NFYA: variants seen among roughly 807,000 people sequenced by gnomAD.
NFYA encodes nuclear transcription factor Y subunit alpha.
NFYA carries 28 observed loss-of-function variants against 52.8 expected under a neutral mutation model. The ratio of observed to expected loss-of-function variants is 0.53; its 90% confidence interval spans 0.39 to 0.73. The LOEUF is 0.73. Ranked by LOEUF, NFYA falls within the 30% of genes least tolerant of loss-of-function variation. The pLI is 0.00. For missense variants in NFYA, 234 were observed against 427.0 expected (o/e 0.55, Z 3.98); for synonymous variants, 150 against 150.7 (o/e 1.00, Z 0.03).
intron 4 of NFYA, among the ~76,000 whole-genome samples, chr6:41,086,711 T>C (rs1235480080): frequency 6.6e-6 from 1 of 152,166 alleles, no homozygotes; most frequent in East Asian, 1.9e-4. Context: ...AGAAAGATAC[T>C]GGAACCAGAG....
At chr6:41,075,656 C>T (rs1347582861) in intron 1 of NFYA, 1 of 151,788 alleles carries the variant, frequency 6.6e-6, no homozygotes, top group Non-Finnish European at 1.5e-5. Context: ...CATCACATAG[C>T]TAAATCTTTC....
rs967459597 is a variant in NFYA at position 41,092,364 on chromosome 6, G to A, written c.715-548G>A. Among the ~76,000 whole-genome samples, 4 of 152,094 alleles carry A rather than the reference G, an allele frequency of 2.6e-5. No homozygotes were observed. The South Asian group carries it at 6.2e-4, about 24-fold the overall frequency. On this transcript the variant is annotated intron_variant, in intron 7 of 9. Coordinates refer to ENST00000341376, the MANE Select transcript of NFYA (RefSeq NM_002505.5). ...CAATGTAGAGAGACCTCGTTTCTAC[G>A]AATTGAATGAAAAATAAATAATTTT... is the stretch of plus-strand genomic sequence containing the variant.
intron 1 of NFYA, among the ~76,000 whole-genome samples, chr6:41,073,810 C>A (rs571770933): frequency 6.6e-6 from 1 of 152,180 alleles, no homozygotes; most frequent in African/African-American, 2.4e-5. Flanking sequence ...CCGCTCCGCC[C>A]GGGTCTCCGG....
chr6:41,095,913 T>G (rs1168991820), intron 9 of NFYA, among the ~76,000 whole-genome samples: 2 of 152,226 alleles, frequency 1.3e-5, no homozygotes, highest in African/African-American at 4.8e-5. Context: ...GGGTTTAGTA[T>G]CCAGTTCTGA....
intron 3 of NFYA, among the ~76,000 whole-genome samples, chr6:41,082,170 T>TCCTTTCAATCCCACCCCTACCCCTGCCA (rs1763929134): frequency 6.6e-6 from 1 of 152,196 alleles, no homozygotes; most frequent in Non-Finnish European, 1.5e-5. Context: ...CATCACTTTA[T>TCCTTTCAATCCCACCCCTACCCCTGCCA]CCTTTCAATC....
intron 4 of NFYA, among the ~76,000 whole-genome samples, chr6:41,088,185 G>A (rs1199402346): frequency 6.6e-5 from 10 of 152,128 alleles, no homozygotes; most frequent in East Asian, 1.9e-4. Flanking sequence ...TTGGGTGGCC[G>A]AGGCGGGTGG....
chr6:41,074,823 C>T (rs1763689531), intron 1 of NFYA, among the ~76,000 whole-genome samples: 1 of 152,062 alleles, frequency 6.6e-6, no homozygotes, highest in Non-Finnish European at 1.5e-5. Context: ...GGGTTCTGCC[C>T]CGTGATAGTG....
chr6:41,073,209 G>T (rs556059724), intron 1 of NFYA, 125 bp downstream of exon 1: 1 of 151,974 alleles, frequency 6.6e-6, no homozygotes, highest in African/African-American at 2.4e-5. Flanking sequence ...GCTGAGCCTA[G>T]CCGAGCCGGG....
At chr6:41,083,844 CT>C in intron 3 of NFYA, among the ~76,000 whole-genome samples, 1 of 152,272 alleles carries the variant, frequency 6.6e-6, no homozygotes, top group East Asian at 1.9e-4. Flanking sequence ...TATGTCTGAC[CT>C]TAAAGTATTG....
rs1284746287 is a variant in NFYA, at chr6:41,101,743, AAG to A, written c.*4338_*4339del. The stretch of plus-strand genomic sequence containing the variant: ...ATTGTTTCCCATAGCTAGGCAGCCT[AAG>A]AGAGTAGGGGAAAGAGCTGGCTCCA... On this transcript the variant is annotated 3_prime_UTR_variant, in exon 10 of 10. Transcript: ENST00000341376. Among the ~76,000 whole-genome samples the A allele has an allele frequency of 6.6e-6, 1 of 152,132 alleles. No homozygotes were observed. The highest frequency in any genetic ancestry group is 1.5e-5 in the Non-Finnish European group (1 of 68,030).
Position 41,097,416 on chromosome 6 carries a change from C to T in NFYA, c.*6C>T, listed in dbSNP as rs148809160. 1.4e-5 allele frequency: 23 copies of T among 1,613,740 alleles called. No individual in the cohort carries two copies. The highest frequency in any genetic ancestry group is 6.7e-5 in the African/African-American group (5 of 75,040). On this transcript the variant is annotated 3_prime_UTR_variant, in exon 10 of 10. Coordinates refer to ENST00000341376, the MANE Select transcript of NFYA (RefSeq NM_002505.5). ...AGATCATCCGAGTGTCCTAACCCCA[C>T]GCCATGTGATGGAGCTGATCAAGGT...
At position 41,101,103 on chromosome 6, in the gene NFYA, G is replaced by C. The variant is rs183540385; in HGVS notation, c.*3693G>C. Reference sequence around the variant, plus strand: ...GGCGGCGCTGCTTCCCGACCTACTGGTCTTTCGGAAGCCTCGGGGATGGGA... The same window carrying C: ...GGCGGCGCTGCTTCCCGACCTACTGCTCTTTCGGAAGCCTCGGGGATGGGA... On this transcript the variant is annotated 3_prime_UTR_variant, in exon 10 of 10. Transcript: ENST00000341376. 5 of 152,384 alleles carry C rather than the reference G, an allele frequency of 3.3e-5. No individual in the cohort carries two copies. The highest frequency in any genetic ancestry group is 3.3e-4 in the Admixed American group (5 of 15,304). The allele number at this position is 152,384 out of a possible 1,614,324, so 9.4% of individuals were successfully genotyped here.
intron 3 of NFYA, 24 bp downstream of exon 3, chr6:41,080,921 T>A (rs1763887846): frequency 1.3e-6 from 2 of 1,584,672 alleles, no homozygotes; most frequent in East Asian, 2.2e-5. Flanking sequence ...TGATTCTCTG[T>A]GAGCACTGCA....
chr6:41,090,821 A>G (rs1175657241), intron 6 of NFYA, among the ~76,000 whole-genome samples: 5 of 152,388 alleles, frequency 3.3e-5, no homozygotes, highest in Non-Finnish European at 7.3e-5. Context: ...AACATAAATA[A>G]TAGATGTTTG....
At chr6:41,088,118 G>C (rs1343399963) in intron 4 of NFYA, among the ~76,000 whole-genome samples, 1 of 152,086 alleles carries the variant, frequency 6.6e-6, no homozygotes, top group African/African-American at 2.4e-5. Flanking sequence ...GAAGTTAGCA[G>C]CTTAAAACAA....
Position 41,091,495 on chromosome 6 carries a change from T to TAA in NFYA, c.548-33_548-32insAA, listed in dbSNP as rs771591307. The TAA allele has an allele frequency of 5.0e-6, 8 of 1,608,064 alleles. No individual in the cohort carries two copies. The Admixed American group carries it at 1.2e-4, about 24-fold the overall frequency. On this transcript the variant is annotated intron_variant, in intron 6 of 9. Coordinates refer to ENST00000341376, the MANE Select transcript of NFYA (RefSeq NM_002505.5). ...CCTTCTTTCTGTTCTGTGTGCCTGT[T>TAA]TTTTGTTTGTTTTATGTTTTGTTTT...
intron 7 of NFYA, among the ~76,000 whole-genome samples, chr6:41,092,514 A>T (rs1041232630): frequency 6.6e-6 from 1 of 152,252 alleles, no homozygotes; most frequent in Non-Finnish European, 1.5e-5. Flanking sequence ...AAGAAAAATT[A>T]GGATTGAATT....
At position 41,096,732 on chromosome 6, in the gene NFYA, G is replaced by C. The variant is rs531502793; in HGVS notation, c.991-625G>C. On this transcript the variant is annotated intron_variant, in intron 9 of 9. Transcript: ENST00000341376. ...AAAAAGCTTCCAAGGATTTATCCTT[G>C]TGTTAACACGGTAGGTCTTAAGTGA... Among the ~76,000 whole-genome samples the C allele has an allele frequency of 1.2e-3, 177 of 152,174 alleles. 1 individual carries two copies. The highest frequency in any genetic ancestry group is 2.1e-3 in the Non-Finnish European group (142 of 68,034).
chr6:41,090,688 G>T (rs75139468), intron 6 of NFYA, among the ~76,000 whole-genome samples: 216 of 152,280 alleles, frequency 1.4e-3, no homozygotes, highest in African/African-American at 5.0e-3. Flanking sequence ...TACTTTAAAT[G>T]ACTATTATGT....
Sources: allele counts gnomAD v4.1 joint callset (sites outside exome capture counted in the v4.1 genomes callset), GRCh38; gene constraint gnomAD v4.1.1; transcripts MANE v1.5; gene names NCBI Gene and HGNC (gene_info 2026-07-23, HGNC 2026-07-21).